The following CNOT1 variants were observed in gnomAD, a reference collection of about 807,000 sequenced individuals.
CNOT1 encodes CCR4-associated factor 1.
Under a neutral mutation model 273.8 loss-of-function variants are expected in CNOT1, and 15 were observed. The ratio of observed to expected loss-of-function variants is 0.05; its 90% CI spans 0.04 to 0.08. The LOEUF is 0.08. Ranked by LOEUF, CNOT1 falls within the 10% of genes least tolerant of loss-of-function variation. The pLI is 1.00. For missense variants in CNOT1, 1,644 were observed against 2,912.2 expected (o/e 0.56, Z 10.02); for synonymous variants, 1,022 against 1,005.5 (o/e 1.02, Z -0.31).
chr16:58,553,323 C>T (rs182994196), intron 22 of CNOT1, among the ~76,000 whole-genome samples: 7 of 151,966 alleles, frequency 4.6e-5, no homozygotes, highest in South Asian at 2.1e-4. Flanking sequence ...AGGAATCTAA[C>T]GAGGTGGTAA....
At chr16:58,566,167 T>C (rs1198690323) in intron 16 of CNOT1, among the ~76,000 whole-genome samples, 2 of 152,248 alleles carry the variant, frequency 1.3e-5, no homozygotes, top group African/African-American at 4.8e-5. Context: ...TTTCCCCCTT[T>C]GTAATTACAA....
chr16:58,553,990 T>C lies in CNOT1; in HGVS notation c.2892-130A>G, dbSNP rs2040541491. 1.6e-5 allele frequency: 20 copies of C among 1,286,658 alleles called. No individual in the cohort carries two copies. In the South Asian group the frequency reaches 4.0e-4, roughly 26 times the overall value. 79.7% of individuals were successfully genotyped at this position (1,286,658 alleles called of 1,614,324 possible). A position where few individuals can be genotyped will look rare whatever the true frequency, so the allele number is the denominator to read the frequency against. On this transcript the variant is annotated intron_variant, in intron 21 of 48. Transcript: ENST00000317147. The stretch of plus-strand genomic sequence containing the variant: ...CTATGAATAACTTATTTGAAGAAAA[T>C]GTCAAAGTGAAGAAAACAAAAATAG...
chr16:58,615,649 C>A (rs372234256), intron 1 of CNOT1, among the ~76,000 whole-genome samples: 1 of 125,740 alleles, frequency 8.0e-6, no homozygotes, highest in South Asian at 2.3e-4. Context: ...TTGTTTTAGG[C>A]CTGTTTTGCC....
At chr16:58,602,671 T>TAG (rs1272639901) in intron 1 of CNOT1, among the ~76,000 whole-genome samples, 7 of 150,748 alleles carry the variant, frequency 4.6e-5, no homozygotes, top group African/African-American at 1.7e-4. Flanking sequence ...GTGGAGGTTG[T>TAG]AGTGAGCTGA....
At chr16:58,610,151 C>G (rs1597592681) in intron 1 of CNOT1, among the ~76,000 whole-genome samples, 1 of 152,184 alleles carries the variant, frequency 6.6e-6, no homozygotes, top group Non-Finnish European at 1.5e-5. Flanking sequence ...GGCAAGGCGG[C>G]TCATGCCTAT....
chr16:58,602,062 A>AT (rs774897387), intron 1 of CNOT1, among the ~76,000 whole-genome samples: 2 of 150,672 alleles, frequency 1.3e-5, no homozygotes, highest in Admixed American at 6.6e-5. Context: ...CAGTCCTTTT[A>AT]TTTTTTTTAT....
intron 2 of CNOT1, among the ~76,000 whole-genome samples, chr16:58,591,095 C>T (rs1183974508): frequency 6.6e-6 from 1 of 152,076 alleles, no homozygotes; most frequent in Admixed American, 6.6e-5. Context: ...ACCATAGATA[C>T]AGGTGAAGAA....
chr16:58,599,439 C>A lies in CNOT1; in HGVS notation c.-102G>T. On this transcript the variant is annotated 5_prime_UTR_variant, in exon 2 of 49. Transcript: ENST00000317147. ...GGTTAATGCTTTCTTTGTAATTAGG[C>A]TATATCTGGTATCTGTATAATATCT... 2 of 1,406,678 alleles carry A rather than the reference C, an allele frequency of 1.4e-6. No individual in the cohort carries two copies. Among genetic ancestry groups the A allele is most frequent in the Non-Finnish European group, 2.0e-6 (2 of 1,015,768 alleles). The allele number at this position is 1,406,678 out of a possible 1,614,324, so 87.1% of individuals were successfully genotyped here.
rs8062997 is a variant in CNOT1 at position 58,616,825 on chromosome 16, C to G, written c.-175+12903G>C. On this transcript the variant is annotated intron_variant, in intron 1 of 48. Transcript: ENST00000317147. ...CAGTGAAATATGTTATTTCCTTTCC[C>G]CCATGTAGTCTTCTGTTACATGTGC... Among the ~76,000 whole-genome samples the G allele has an allele frequency of 3.3e-3, 500 of 151,978 alleles. 3 individuals carry two copies. The highest frequency in any genetic ancestry group is 0.011 in the African/African-American group (468 of 41,432).
intron 1 of CNOT1, among the ~76,000 whole-genome samples, chr16:58,614,749 G>A (rs1370763387): frequency 3.2e-5 from 4 of 124,948 alleles, no homozygotes; most frequent in African/African-American, 5.4e-5. Flanking sequence ...TCACTCTGTC[G>A]CCCAGGATGG....
At position 58,547,235 on chromosome 16, in the gene CNOT1, T is replaced by C. The variant is rs1278220241; in HGVS notation, c.3701A>G (p.Tyr1234Cys). The change falls in exon 27 of 49, where the codon TAT (tyrosine) becomes TGT (cysteine). Residue 1234 changes from tyrosine to cysteine, a missense_variant. Transcript: ENST00000317147. The surrounding 1 kb of genome is among the most constrained non-coding windows in gnomAD (Gnocchi z 4.0). ...GACTTTGGCAACAAAGGGCACTACA[T>C]AGAGCAATTCTTGTTGTCCTTTAAC... ...AYVKGQQELL[Y>C]VVPFVAKVLE... 3 of 1,613,952 alleles carry C rather than the reference T, an allele frequency of 1.9e-6. No individual in the cohort carries two copies. The highest frequency in any genetic ancestry group is 1.1e-5 in the South Asian group (1 of 91,064).
In CNOT1 at chr16:58,538,842, G is replaced by A; in HGVS notation, c.5065C>T (p.Leu1689Phe). 2 of 1,611,724 alleles carry A rather than the reference G, an allele frequency of 1.2e-6. No individual in the cohort carries two copies. Among genetic ancestry groups the A allele is most frequent in the Non-Finnish European group, 1.7e-6 (2 of 1,179,640 alleles). Reference sequence around the variant, plus strand: ...TCCTGCAGAGCTTTTAGGACCAAGAGGTGGCATTCCCTGTAGCGCAGCAGA... The same window carrying A: ...TCCTGCAGAGCTTTTAGGACCAAGAAGTGGCATTCCCTGTAGCGCAGCAGA... The part of the protein sequence containing the change: ...DLLLRYRECH[L>F]LVLKALQDGR... Residue 1689 changes from leucine (L) to phenylalanine (F), a missense_variant, in exon 36 of 49, where the codon CTC (leucine) becomes TTC (phenylalanine). Physicochemically the swap from Leu to Phe is conservative, Grantham distance 22. Around this residue, in one of 13 missense-constraint regions of CNOT1, gnomAD observed 170 missense variants for 273.1 expected, o/e 0.62. Transcript: ENST00000317147.
At chr16:58,612,570 C>T (rs1316391521) in intron 1 of CNOT1, among the ~76,000 whole-genome samples, 3 of 151,902 alleles carry the variant, frequency 2.0e-5, no homozygotes, top group Non-Finnish European at 4.4e-5. Context: ...AAAACCCCAT[C>T]TCTACTAAAA....
intron 34 of CNOT1, 106 bp downstream of exon 34, chr16:58,541,395 C>A: frequency 1.3e-6 from 2 of 1,490,420 alleles, no homozygotes; most frequent in Non-Finnish European, 1.8e-6. Context: ...GGTGTTTTTT[C>A]CCCTGTAAAT....
intron 17 of CNOT1, 74 bp from the exon 18 acceptor site, chr16:58,558,748 C>T (rs1023207418): frequency 1.3e-6 from 2 of 1,542,382 alleles, no homozygotes; most frequent in African/African-American, 2.8e-5. Flanking sequence ...CAATCTTTAA[C>T]AACAGCTCTT....
intron 16 of CNOT1, among the ~76,000 whole-genome samples, chr16:58,565,894 C>T (rs919774254): frequency 2.1e-4 from 32 of 150,986 alleles, no homozygotes; most frequent in Admixed American, 3.3e-4. Flanking sequence ...GAGCCGAGTT[C>T]GCACCACTGC....
intron 12 of CNOT1, 23 bp downstream of exon 12, chr16:58,580,610 G>A: frequency 6.3e-7 from 1 of 1,594,726 alleles, no homozygotes. Flanking sequence ...TCTTTTAAAT[G>A]AAAGATGAAT....
chr16:58,629,112 TAAGG>T (rs1305247018), intron 1 of CNOT1, among the ~76,000 whole-genome samples: 1 of 152,220 alleles, frequency 6.6e-6, no homozygotes, highest in Non-Finnish European at 1.5e-5. Context: ...TAGCAAGTAA[TAAGG>T]AAGTGCTTGC....
At position 58,539,480 on chromosome 16, in the gene CNOT1, C is replaced by CACACACACACACACAGACAG. The variant is rs1555494952; in HGVS notation, c.4992+287_4992+288insCTGTCTGTGTGTGTGTGTGT. Among the ~76,000 whole-genome samples the CACACACACACACACAGACAG allele has an allele frequency of 2.0e-5, 3 of 148,584 alleles. No homozygotes were observed. In the South Asian group the frequency reaches 6.9e-4, roughly 34 times the overall value. ...ACCCTGTCTCTTACACACACACACA[C>CACACACACACACACAGACAG]ACACACACACACAGACACACACACC... On this transcript the variant is annotated intron_variant, in intron 35 of 48. Transcript: ENST00000317147.
Sources: allele counts gnomAD v4.1 joint callset (sites outside exome capture counted in the v4.1 genomes callset), GRCh38; gene constraint gnomAD v4.1.1; regional missense constraint gnomAD v4.1.1; non-coding constraint Gnocchi (gnomAD v3.1); transcripts MANE v1.5; gene names NCBI Gene and HGNC (gene_info 2026-07-23, HGNC 2026-07-21).